GREB1L: variants seen among roughly 807,000 people sequenced by gnomAD.
GREB1L encodes GREB1-like protein.
Under a neutral mutation model 200.8 loss-of-function variants are expected in GREB1L, and 17 were observed. The ratio of observed to expected loss-of-function variants is 0.08; its 90% confidence interval spans 0.06 to 0.13. GREB1L has a LOEUF of 0.13. Ranked by LOEUF, GREB1L falls within the 10% of genes least tolerant of loss-of-function variation. The probability of loss-of-function intolerance (pLI) is 1.00; values close to 1 mark genes in which losing one functional copy is unlikely to be tolerated. For missense variants in GREB1L, 1,657 were observed against 2,367.7 expected, an observed-to-expected ratio of 0.70 and a Z score of 6.23; for synonymous variants, 789 against 893.0, an observed-to-expected ratio of 0.88 and a Z score of 2.08.
intron 4 of GREB1L, among the ~76,000 whole-genome samples, chr18:21,390,814 C>T (rs1446188159): frequency 1.3e-5 from 2 of 151,918 alleles, no homozygotes; most frequent in Non-Finnish European, 2.9e-5. Flanking sequence ...GGATTACAGG[C>T]GTGAGCCACC....
At chr18:21,521,550 ATTT>A (rs1429581635) in intron 32 of GREB1L, among the ~76,000 whole-genome samples, 1 of 152,038 alleles carries the variant, frequency 6.6e-6, no homozygotes, top group Non-Finnish European at 1.5e-5. Flanking sequence ...TTATTTATTT[ATTT>A]ATTTATTTAG....
rs1555631605 is a variant in GREB1L, at chr18:21,363,299, C to CCA, written c.-119-2719_-119-2718dup. On this transcript the variant is annotated intron_variant, in intron 1 of 32. Coordinates refer to ENST00000424526, the MANE Select transcript of GREB1L (RefSeq NM_001142966.3). Reference sequence around the variant, plus strand: ...CCGCCTCCCCCCCGCCCCCCCCCCCCCACACACACAAGAACTCCTCCTGCC... The same window carrying CCA: ...CCGCCTCCCCCCCGCCCCCCCCCCCCCACACACACACAAGAACTCCTCCTGCC... 1.8e-3 allele frequency among the ~76,000 whole-genome samples: 190 copies of CCA among 105,566 alleles called. 6 individuals are homozygous for CCA. Among genetic ancestry groups the CCA allele is most frequent in the African/African-American group, 6.0e-3 (149 of 25,016 alleles). The allele number at this position is 105,566 out of a possible 152,430, so 69.3% of individuals were successfully genotyped here. A position where few individuals can be genotyped will look rare whatever the true frequency, so the allele number is the denominator to read the frequency against.
chr18:21,244,492 C>CT (rs1454603885), intron 1 of GREB1L, among the ~76,000 whole-genome samples: 2 of 152,208 alleles, frequency 1.3e-5, no homozygotes, highest in Admixed American at 6.5e-5. Context: ...TTTTGGAAAA[C>CT]TTTGTTTCCC....
intron 1 of GREB1L, among the ~76,000 whole-genome samples, chr18:21,348,730 G>A (rs1054450885): frequency 7.9e-5 from 12 of 151,930 alleles, no homozygotes; most frequent in Non-Finnish European, 1.0e-4. Context: ...AGCTGAGATC[G>A]CACCATTGCA....
intron 4 of GREB1L, among the ~76,000 whole-genome samples, chr18:21,389,531 C>G (rs1314149644): frequency 6.6e-6 from 1 of 151,994 alleles, no homozygotes; most frequent in Non-Finnish European, 1.5e-5. Flanking sequence ...ATACTAAAAA[C>G]TATTTGTGTG....
intron 1 of GREB1L, among the ~76,000 whole-genome samples, chr18:21,273,179 G>A (rs1181605438): frequency 6.6e-6 from 1 of 152,224 alleles, no homozygotes; most frequent in Non-Finnish European, 1.5e-5. Flanking sequence ...AGTGAGCTGA[G>A]ATTGTGCCGC....
Position 21,500,492 on chromosome 18 carries a change from C to T in GREB1L, c.3970-48C>T, listed in dbSNP as rs116851303. The T allele has an allele frequency of 7.3e-3, 9,764 of 1,345,322 alleles. 46 individuals carry two copies. The highest frequency in any genetic ancestry group is 8.6e-3 in the Non-Finnish European group (8,253 of 961,086). The allele number at this position is 1,345,322 out of a possible 1,614,324, so 83.3% of individuals were successfully genotyped here. A position where few individuals can be genotyped will look rare whatever the true frequency, so the allele number is the denominator to read the frequency against. On this transcript the variant is annotated intron_variant, in intron 22 of 32. Transcript: ENST00000424526. The stretch of plus-strand genomic sequence containing the variant: ...GAAATCTCTTTTCTCTTTTCTTCCC[C>T]TCTCTTTCCCGCCTCCACTCCTCCC...
chr18:21,428,425 G>T (rs1333418299), intron 7 of GREB1L, among the ~76,000 whole-genome samples: 1 of 141,208 alleles, frequency 7.1e-6, no homozygotes, highest in Non-Finnish European at 1.5e-5. Context: ...GTAGAGGAAG[G>T]TCCCTTCTGT....
At chr18:21,247,963 G>A (rs1287297423) in intron 1 of GREB1L, among the ~76,000 whole-genome samples, 2 of 151,962 alleles carry the variant, frequency 1.3e-5, no homozygotes, top group Non-Finnish European at 2.9e-5. Context: ...ACTGTTCTAG[G>A]GAGTAAGAAA....
chr18:21,329,250 G>A (rs1417792604), intron 1 of GREB1L, among the ~76,000 whole-genome samples: 1 of 151,132 alleles, frequency 6.6e-6, no homozygotes, highest in African/African-American at 2.4e-5. Context: ...GCTTAAGCCT[G>A]GGAGGTGGAG....
chr18:21,383,212 A>G (rs1405318871), intron 2 of GREB1L, among the ~76,000 whole-genome samples: 1 of 152,134 alleles, frequency 6.6e-6, no homozygotes, highest in South Asian at 2.1e-4. Context: ...CATGACTGAC[A>G]GGTCAGTCTT....
At chr18:21,266,374 G>T (rs937731684) in intron 1 of GREB1L, among the ~76,000 whole-genome samples, 3 of 152,200 alleles carry the variant, frequency 2.0e-5, no homozygotes, top group African/African-American at 7.2e-5. Flanking sequence ...CAAGATATCT[G>T]TCTTCAAGGG....
At chr18:21,473,991 C>T (rs554852948) in intron 16 of GREB1L, among the ~76,000 whole-genome samples, 9 of 152,242 alleles carry the variant, frequency 5.9e-5, no homozygotes, top group South Asian at 2.1e-4. Flanking sequence ...GGGAAAGACC[C>T]GCCTCCATAA....
chr18:21,451,109 A>C lies in GREB1L; in HGVS notation c.1807A>C (p.Lys603Gln). ...AATTAGTTATGAGCTTATCACAGGA[A>C]AGGTCAGTTTCCTGGCATCACATTT... ...KEISYELITG[K>Q]VSFLASHFKT... Residue 603 changes from lysine to glutamine, a missense_variant, in exon 13 of 33, where the codon AAG becomes CAG. Coordinates refer to ENST00000424526, the MANE Select transcript of GREB1L (RefSeq NM_001142966.3). The C allele has an allele frequency of 6.4e-7, 1 of 1,551,758 alleles. No homozygotes were observed. The highest frequency in any genetic ancestry group is 2.4e-5 in the East Asian group (1 of 40,930).
At chr18:21,248,201 A>G (rs889721864) in intron 1 of GREB1L, among the ~76,000 whole-genome samples, 3 of 152,172 alleles carry the variant, frequency 2.0e-5, no homozygotes, top group Non-Finnish European at 4.4e-5. Flanking sequence ...AGACACTTGT[A>G]AAGTAATAGA....
intron 15 of GREB1L, among the ~76,000 whole-genome samples, chr18:21,459,675 AAAAAT>A (rs1238604715): frequency 2.0e-5 from 3 of 152,134 alleles, no homozygotes; most frequent in Non-Finnish European, 4.4e-5. Flanking sequence ...ATTTTAATAA[AAAAAT>A]AAAGACATAT....
intron 7 of GREB1L, among the ~76,000 whole-genome samples, chr18:21,409,161 G>A (rs1263349462): frequency 6.6e-6 from 1 of 152,162 alleles, no homozygotes; most frequent in Non-Finnish European, 1.5e-5. Flanking sequence ...ACAAAAATGT[G>A]ATGTATCCAT....
chr18:21,333,688 A>G (rs999924165), intron 1 of GREB1L, among the ~76,000 whole-genome samples: 1 of 151,904 alleles, frequency 6.6e-6, no homozygotes, highest in African/African-American at 2.4e-5. Context: ...AAAAAAAAAA[A>G]AAAGAATTCT....
chr18:21,505,237 C>T (rs1414872144), intron 23 of GREB1L, among the ~76,000 whole-genome samples, 175 bp from the exon 24 acceptor site: 1 of 152,132 alleles, frequency 6.6e-6, no homozygotes, highest in Non-Finnish European at 1.5e-5. Context: ...GGCAAATGTT[C>T]CTCTCAGCAT....
Sources: allele counts gnomAD v4.1 joint callset (sites outside exome capture counted in the v4.1 genomes callset), GRCh38; gene constraint gnomAD v4.1.1; transcripts MANE v1.5; gene names NCBI Gene and HGNC (gene_info 2026-07-23, HGNC 2026-07-21).